DIS3: variants seen among roughly 807,000 people sequenced by gnomAD.
DIS3 encodes DIS3 exosome endoribonuclease and 3'-5' exoribonuclease, also known as exosome complex exonuclease RRP44.
DIS3 carries 103 observed loss-of-function variants against 113.0 expected under a neutral mutation model. That is an observed-to-expected ratio of 0.91 (90% CI 0.78 to 1.07). The LOEUF (loss-of-function observed/expected upper bound fraction) is 1.07. Among genes scored for constraint, DIS3 ranks in the 50% least tolerant of loss-of-function variants. DIS3 has a pLI of 0.00. For missense variants in DIS3, 1,121 were observed against 1,167.1 expected, an observed-to-expected ratio of 0.96 and a Z score of 0.58; for synonymous variants, 402 against 394.3, an observed-to-expected ratio of 1.02 and a Z score of -0.23.
At chr13:72,771,939 G>C (rs756199166) in intron 10 of DIS3, 43 bp from the exon 11 acceptor site, 2 of 1,576,172 alleles carry the variant, frequency 1.3e-6, no homozygotes, top group Admixed American at 1.7e-5. Flanking sequence ...TGCTTGACTG[G>C]GTAAATGTAC....
In DIS3 at chr13:72,768,526, T is replaced by G. The variant is rs944565183; in HGVS notation, c.1883+259A>C. On this transcript the variant is annotated intron_variant, in intron 14 of 20. Coordinates refer to ENST00000377767, the MANE Select transcript of DIS3 (RefSeq NM_014953.5). ...TTAGCTGGGCGTGGTGGTGGGCACC[T>G]GTAATCCCAGCTACTTGAACGACAG... Among the ~76,000 whole-genome samples the G allele has an allele frequency of 2.0e-4, 31 of 152,162 alleles. 1 individual carries two copies. The highest frequency in any genetic ancestry group is 1.5e-4 in the Non-Finnish European group (10 of 68,024).
At position 72,773,793 on chromosome 13, in the gene DIS3, T is replaced by C; in HGVS notation, c.1130A>G (p.Asp377Gly). ...TATGCGAATTCGAGGGATTCTCTTATCAGCAGGTGTAAAGAGATGTCTTCT... is the reference window on the plus strand; with the variant it reads ...TATGCGAATTCGAGGGATTCTCTTACCAGCAGGTGTAAAGAGATGTCTTCT... ...ESRRHLFTPA[D>G]KRIPRIRIET... Residue 377 changes from aspartate (D) to glycine (G), a missense_variant, in exon 8 of 21, where the codon GAT becomes GGT. By Grantham distance (94) the Asp-to-Gly change is moderately conservative. Coordinates refer to ENST00000377767, the MANE Select transcript of DIS3 (RefSeq NM_014953.5). 1.2e-6 allele frequency: 2 copies of C among 1,613,898 alleles called. No homozygotes were observed. Among genetic ancestry groups the C allele is most frequent in the African/African-American group, 2.7e-5 (2 of 75,036 alleles).
chr13:72,774,771 A>T (rs372978703), intron 6 of DIS3, among the ~76,000 whole-genome samples: 1 of 152,178 alleles, frequency 6.6e-6, no homozygotes, highest in Admixed American at 6.5e-5. Flanking sequence ...TTCTCTTCAT[A>T]ATAAATATGG....
chr13:72,772,987 C>G (rs1200216735), intron 8 of DIS3, 148 bp from the exon 9 acceptor site: 3 of 849,090 alleles, frequency 3.5e-6, no homozygotes, highest in African/African-American at 3.5e-5. Context: ...GTAAATTAGA[C>G]AAGACTTCTC....
chr13:72,772,580 G>A (rs988963007), intron 9 of DIS3, 113 bp downstream of exon 9: 1 of 1,141,220 alleles, frequency 8.8e-7, no homozygotes, highest in East Asian at 2.6e-5. Context: ...CCAACAAAAT[G>A]CAGGAAAAGA....
At chr13:72,765,518 AACTTAGATCCCTC>A (rs1484451510) in intron 15 of DIS3, among the ~76,000 whole-genome samples, 1 of 152,148 alleles carries the variant, frequency 6.6e-6, no homozygotes, top group Non-Finnish European at 1.5e-5. Flanking sequence ...AGAAGTGCAC[AACTTAGATCCCTC>A]CTACACACAG....
At chr13:72,764,030 T>C (rs2033691791) in intron 15 of DIS3, among the ~76,000 whole-genome samples, 1 of 152,034 alleles carries the variant, frequency 6.6e-6, no homozygotes, top group Non-Finnish European at 1.5e-5. Context: ...CACACTCCTG[T>C]AGTCCCGGCT....
intron 2 of DIS3, among the ~76,000 whole-genome samples, chr13:72,780,302 G>A (rs1397128660): frequency 4.2e-5 from 6 of 142,616 alleles, no homozygotes; most frequent in Non-Finnish European, 7.6e-5. Context: ...CTCCAGCCTG[G>A]GTGACAGAGT....
chr13:72,765,044 T>C (rs1211824092), intron 15 of DIS3, among the ~76,000 whole-genome samples: 1 of 152,216 alleles, frequency 6.6e-6, no homozygotes, highest in Admixed American at 6.5e-5. Context: ...CTTGGTCATC[T>C]ATTAGAAAAG....
chr13:72,768,399 CA>C (rs1349369111), intron 14 of DIS3, among the ~76,000 whole-genome samples: 3 of 152,190 alleles, frequency 2.0e-5, no homozygotes, highest in Non-Finnish European at 2.9e-5. Context: ...CCTGTAATCC[CA>C]ACACTTTGGG....
chr13:72,773,073 G>C (rs1250687344), intron 8 of DIS3, among the ~76,000 whole-genome samples: 2 of 152,146 alleles, frequency 1.3e-5, no homozygotes, highest in Non-Finnish European at 2.9e-5. Context: ...TAATGTTCAA[G>C]TTTAAAATGT....
intron 16 of DIS3, 76 bp from the exon 17 acceptor site, chr13:72,762,213 T>G: frequency 8.2e-7 from 1 of 1,226,844 alleles, no homozygotes; most frequent in East Asian, 2.5e-5. Context: ...AAAATATAAC[T>G]GATCTGACTG....
intron 15 of DIS3, among the ~76,000 whole-genome samples, chr13:72,765,527 C>A (rs1381853858): frequency 6.6e-6 from 1 of 152,118 alleles, no homozygotes; most frequent in Non-Finnish European, 1.5e-5. Flanking sequence ...CAACTTAGAT[C>A]CCTCCTACAC....
At position 72,775,216 on chromosome 13, in the gene DIS3, G is replaced by C; in HGVS notation, c.982C>G (p.Arg328Gly). The C allele has an allele frequency of 6.2e-7, 1 of 1,610,710 alleles. No individual in the cohort carries two copies. Among genetic ancestry groups the C allele is most frequent in the Non-Finnish European group, 8.5e-7 (1 of 1,178,610 alleles). ...EDVEKEEETE[R>G]MLKTAVSEKM... Reference sequence around the variant, plus strand: ...AATCCTGCTTAGATTCATACCATTCGTTCTGTCTCTTCTTCTTTCTCCACA... The same window carrying C: ...AATCCTGCTTAGATTCATACCATTCCTTCTGTCTCTTCTTCTTTCTCCACA... The change falls in exon 6 of 21, where the codon CGA becomes GGA. Residue 328 changes from arginine (R) to glycine (G), a missense_variant. Physicochemically the swap from Arg to Gly is moderately radical, Grantham distance 125. This residue lies in a region of DIS3 where 861 missense variants were observed against 915.5 expected (regional missense o/e 0.94). Coordinates refer to ENST00000377767, the MANE Select transcript of DIS3 (RefSeq NM_014953.5).
chr13:72,761,324 G>GC (rs767932550), intron 19 of DIS3, 39 bp downstream of exon 19: 14 of 1,561,954 alleles, frequency 9.0e-6, no homozygotes, highest in Admixed American at 4.5e-5. Flanking sequence ...AAGAAAAAGT[G>GC]CCCCCCGGAA....
rs770482867 is a variant in DIS3, at chr13:72,775,337, A to C, written c.861T>G (p.Val287=). Residue 287 remains valine (V), a synonymous_variant, in exon 6 of 21, where the codon GTT becomes GTG. Coordinates refer to ENST00000377767, the MANE Select transcript of DIS3 (RefSeq NM_014953.5). ...GCTCCACAGCCACAATATCTTCGTGAACAGCTCTGTTTAAATGTTTAAGTC... is the reference window on the plus strand; with the variant it reads ...GCTCCACAGCCACAATATCTTCGTGCACAGCTCTGTTTAAATGTTTAAGTC... ...LQGLKHLNRA[V]HEDIVAVELL... 2.5e-6 allele frequency: 4 copies of C among 1,613,528 alleles called. No homozygotes were observed. The Admixed American group carries it at 6.7e-5, about 27-fold the overall frequency.
rs1850562880 is a variant in DIS3, at chr13:72,756,214, TC to T, written c.*3580del. On this transcript the variant is annotated 3_prime_UTR_variant, in exon 21 of 21. Coordinates refer to ENST00000377767, the MANE Select transcript of DIS3 (RefSeq NM_014953.5). ...GTTATCAATGTGTCATTTTCTTCTT[TC>T]CTCCATAACTGTACCTTGAAACCTT... 1 of 326,580 alleles carries T rather than the reference TC, an allele frequency of 3.1e-6. No individual in the cohort carries two copies. The highest frequency in any genetic ancestry group is 4.9e-5 in the Admixed American group (1 of 20,426). 20.2% of individuals were successfully genotyped at this position (326,580 alleles called of 1,614,324 possible).
chr13:72,781,712 CTCCACACGCTG>C lies in DIS3; in HGVS notation c.110_120del (p.Ala37GlyfsTer31). On this transcript the variant is annotated frameshift_variant, in exon 1 of 21. Coordinates refer to ENST00000377767, the MANE Select transcript of DIS3 (RefSeq NM_014953.5). LOFTEE classifies it high-confidence loss of function. ...TCCAGGGCCGGCCCCTCGTGCGCCC[CTCCACACGCTG>C]CGCACCCGGGCGCACCGCAGCCGAT... 1 of 1,573,460 alleles carries C rather than the reference CTCCACACGCTG, an allele frequency of 6.4e-7. No homozygotes were observed. The highest frequency in any genetic ancestry group is 8.6e-7 in the Non-Finnish European group (1 of 1,160,546).
At chr13:72,778,485 G>A (rs920840614) in intron 2 of DIS3, 105 bp from the exon 3 acceptor site, 7 of 817,462 alleles carry the variant, frequency 8.6e-6, no homozygotes, top group Non-Finnish European at 1.3e-5. Context: ...AAAAGTCAAT[G>A]GTATATCTTT....
Sources: gnomAD v4.1 joint callset for allele counts (sites outside exome capture counted in the v4.1 genomes callset) on GRCh38, gnomAD v4.1.1 for gene constraint, gnomAD v4.1.1 regional missense constraint, MANE v1.5 for transcripts, NCBI Gene and HGNC (gene_info 2026-07-23, HGNC 2026-07-21) for gene names.